The following CSMD1 variants were observed in gnomAD, a reference collection of about 807,000 sequenced individuals.
The protein encoded by CSMD1 is CUB and Sushi multiple domains 1, also known as CUB and sushi domain-containing protein 1.
Under a neutral mutation model 417.5 loss-of-function variants are expected in CSMD1, and 213 were observed. The observed-to-expected ratio is 0.51, with a 90% CI of 0.46 to 0.57. The LOEUF (loss-of-function observed/expected upper bound fraction) is 0.57. Among genes scored for constraint, CSMD1 ranks in the 20% least tolerant of loss-of-function variants. The pLI is 0.00. For missense variants in CSMD1, 6,923 were observed against 4,529.7 expected, an observed-to-expected ratio of 1.53 and a Z score of -15.17; for synonymous variants, 2,862 against 1,736.8, an observed-to-expected ratio of 1.65 and a Z score of -16.11.
chr8:4,964,390 G>GC (rs1300002909), intron 1 of CSMD1, among the ~76,000 whole-genome samples: 1 of 149,828 alleles, frequency 6.7e-6, no homozygotes, highest in Non-Finnish European at 1.5e-5. Flanking sequence ...CTAGTGGCAT[G>GC]CACCTGTAGT....
chr8:3,437,539 G>A (rs1419909968), intron 12 of CSMD1, among the ~76,000 whole-genome samples: 2 of 152,132 alleles, frequency 1.3e-5, no homozygotes, highest in Non-Finnish European at 2.9e-5. Context: ...TTCAACAGAG[G>A]CCAACGTATC....
intron 11 of CSMD1, among the ~76,000 whole-genome samples, chr8:3,488,109 A>T (rs975568825): frequency 7.3e-5 from 11 of 150,092 alleles, no homozygotes; most frequent in African/African-American, 1.7e-4. Context: ...TATTATTATT[A>T]TTTTTCTTTT....
intron 21 of CSMD1, among the ~76,000 whole-genome samples, chr8:3,351,623 A>G (rs972473068): frequency 2.7e-5 from 4 of 150,248 alleles, no homozygotes; most frequent in African/African-American, 9.7e-5. Flanking sequence ...AGAAAAGAAA[A>G]GAAAGGAAAG....
intron 3 of CSMD1, among the ~76,000 whole-genome samples, chr8:4,235,638 C>T (rs759172728): frequency 6.6e-6 from 1 of 152,132 alleles, no homozygotes; most frequent in Non-Finnish European, 1.5e-5. Context: ...TACTGAGGAC[C>T]TGAAATGCAT....
In CSMD1 at chr8:3,100,189, C is replaced by G. The variant is rs375961977; in HGVS notation, c.6950-3152G>C. Among the ~76,000 whole-genome samples, 141 of 152,184 alleles carry G rather than the reference C, an allele frequency of 9.3e-4. 4 individuals are homozygous for G. In the South Asian group the frequency reaches 0.016, roughly 17 times the overall value. On this transcript the variant is annotated intron_variant, in intron 46 of 69. Coordinates refer to ENST00000635120, the MANE Select transcript of CSMD1 (RefSeq NM_033225.6). ...ACCTCAGCTGCCCGAGTAGCTGGGA[C>G]TACAGGCGCACACCACCCCTCCTGG...
intron 7 of CSMD1, among the ~76,000 whole-genome samples, chr8:3,641,994 C>T (rs914480304): frequency 6.6e-6 from 1 of 152,214 alleles, no homozygotes; most frequent in East Asian, 1.9e-4. Context: ...AAGAGATTAG[C>T]AGCCCCAGAA....
At position 2,991,469 on chromosome 8, in the gene CSMD1, G is replaced by A. The variant is rs139835362; in HGVS notation, c.8377+6542C>T. On this transcript the variant is annotated intron_variant, in intron 54 of 69. Transcript: ENST00000635120. ...TGAAACCAGAATCATTTTCTAAAAG[G>A]CCAGATATGGCCTTATCCTAAGACT... is the stretch of plus-strand genomic sequence containing the variant. Among the ~76,000 whole-genome samples, 305 of 152,174 alleles carry A rather than the reference G, an allele frequency of 2.0e-3. 4 individuals carry two copies. Among genetic ancestry groups the A allele is most frequent in the Middle Eastern group, 0.014 (4 of 294 alleles).
intron 2 of CSMD1, among the ~76,000 whole-genome samples, chr8:4,435,753 A>G (rs943533819): frequency 9.2e-5 from 14 of 152,168 alleles, no homozygotes; most frequent in Non-Finnish European, 1.3e-4. Context: ...TGTGGCTACA[A>G]TAAAAAGTAC....
At chr8:4,778,348 GTTTTGATGATTTTTCCACAAAACTTGAT>G (rs1796976677) in intron 1 of CSMD1, among the ~76,000 whole-genome samples, 1 of 152,026 alleles carries the variant, frequency 6.6e-6, no homozygotes, top group Admixed American at 6.6e-5. Flanking sequence ...TATCCCCATT[GTTTTGATGATTTTTCCACAAAACTTGAT>G]TTTCTTCTCA....
intron 23 of CSMD1, among the ~76,000 whole-genome samples, chr8:3,331,422 A>G (rs554417392): frequency 6.6e-6 from 1 of 152,282 alleles, no homozygotes; most frequent in Admixed American, 6.5e-5. Context: ...TGATGCGGTG[A>G]AAACACAGAA....
intron 2 of CSMD1, among the ~76,000 whole-genome samples, chr8:4,458,794 AT>A (rs34057291): frequency 1.6e-4 from 24 of 152,184 alleles, no homozygotes; most frequent in African/African-American, 3.4e-4. Flanking sequence ...GGAATATTTA[AT>A]TTTTTTTAAC....
intron 5 of CSMD1, among the ~76,000 whole-genome samples, chr8:3,983,830 C>G (rs754951791): frequency 6.6e-6 from 1 of 152,056 alleles, no homozygotes; most frequent in Non-Finnish European, 1.5e-5. Flanking sequence ...GAGCACCTGG[C>G]AGATCTGGCC....
At chr8:3,082,932 G>C (rs1814213546) in intron 49 of CSMD1, among the ~76,000 whole-genome samples, 1 of 152,152 alleles carries the variant, frequency 6.6e-6, no homozygotes, top group Non-Finnish European at 1.5e-5. Context: ...ACATCTGCGG[G>C]AAAAATAAAA....
At chr8:4,143,066 T>C (rs956500380) in intron 3 of CSMD1, among the ~76,000 whole-genome samples, 2 of 150,666 alleles carry the variant, frequency 1.3e-5, no homozygotes, top group Admixed American at 6.6e-5. Context: ...ATGAACACAA[T>C]GAAGCAAGTT....
intron 1 of CSMD1, among the ~76,000 whole-genome samples, chr8:4,932,058 A>G (rs79454150): frequency 2.0e-5 from 3 of 151,128 alleles, no homozygotes; most frequent in African/African-American, 2.4e-5. Context: ...TTTCTTTGGT[A>G]TATATTAAAC....
In CSMD1 at chr8:3,493,640, G is replaced by C; in HGVS notation, c.1431C>G (p.Thr477=). 6.2e-7 allele frequency: 1 copy of C among 1,610,730 alleles called. No individual in the cohort carries two copies. Among genetic ancestry groups the C allele is most frequent in the Non-Finnish European group, 8.5e-7 (1 of 1,178,550 alleles). The change falls in exon 11 of 70, where the codon ACC becomes ACG. Residue 477 remains threonine (T), a synonymous_variant. Transcript: ENST00000635120. The stretch of plus-strand genomic sequence containing the variant: ...ATACTCACACGTACAAGACCGATCT[G>C]GTGTCTCCCACCTTCCCAGCATCAC... ...TVGDAGKVGD[T]RSVLYVLTGS... is the part of the protein sequence containing the mutation.
chr8:3,483,859 T>G lies in CSMD1; in HGVS notation c.1448+9764A>C, dbSNP rs547119302. On this transcript the variant is annotated intron_variant, in intron 11 of 69. Transcript: ENST00000635120. ...CTTTTAAAAAAATCAATCAATGTCA[T>G]CCACCATTAGAAGAGGCTAAAGAAA... Among the ~76,000 whole-genome samples, 21 of 152,220 alleles carry G rather than the reference T, an allele frequency of 1.4e-4. No homozygotes were observed. The East Asian group carries it at 3.9e-3, about 28-fold the overall frequency.
intron 1 of CSMD1, among the ~76,000 whole-genome samples, chr8:4,750,258 C>G (rs142587282): frequency 6.6e-6 from 1 of 152,182 alleles, no homozygotes; most frequent in South Asian, 2.1e-4. Context: ...CCGCCCGCCT[C>G]GGCCTCCCAC....
intron 5 of CSMD1, among the ~76,000 whole-genome samples, chr8:3,855,189 G>T (rs531953485): frequency 7.5e-4 from 114 of 152,226 alleles, no homozygotes; most frequent in African/African-American, 2.6e-3. Context: ...TAACAAAGAT[G>T]TATTATTAAA....
Sources: gnomAD v4.1 joint callset for allele counts (sites outside exome capture counted in the v4.1 genomes callset) on GRCh38, gnomAD v4.1.1 for gene constraint, MANE v1.5 for transcripts, NCBI Gene and HGNC (gene_info 2026-07-23, HGNC 2026-07-21) for gene names.